STXBP4: variants seen among roughly 807,000 people sequenced by gnomAD.
The protein encoded by STXBP4 is syntaxin binding protein 4, also known as syntaxin-binding protein 4.
A neutral mutation model predicts 76.1 loss-of-function variants in STXBP4; 55 were observed. The observed-to-expected ratio is 0.72, with a 90% CI of 0.58 to 0.91. STXBP4 has a LOEUF of 0.91. Ranked by LOEUF, STXBP4 falls within the 40% of genes least tolerant of loss-of-function variation. STXBP4 has a pLI of 0.00. For synonymous variants in STXBP4, 201 were observed against 220.2 expected, an observed-to-expected ratio of 0.91 and a Z score of 0.77; for missense variants, 618 against 636.9, an observed-to-expected ratio of 0.97 and a Z score of 0.32.
chr17:55,055,780 C>T lies in STXBP4; in HGVS notation c.1011+8626C>T, dbSNP rs551030006. Among the ~76,000 whole-genome samples the T allele has an allele frequency of 2.3e-4, 35 of 152,302 alleles. 1 individual carries two copies. In the South Asian group the frequency reaches 6.8e-3, roughly 30 times the overall value. On this transcript the variant is annotated intron_variant, in intron 12 of 17. Coordinates refer to ENST00000376352, the MANE Select transcript of STXBP4 (RefSeq NM_178509.6). ...CTCCAGCTCATCTGGTCTCTTTGCACCATCTTTCCTCTGACCCTTACTGTG... is the reference window on the plus strand; with the variant it reads ...CTCCAGCTCATCTGGTCTCTTTGCATCATCTTTCCTCTGACCCTTACTGTG...
chr17:54,979,257 G>A (rs1035289909), intron 1 of STXBP4, among the ~76,000 whole-genome samples: 5 of 152,014 alleles, frequency 3.3e-5, no homozygotes, highest in Admixed American at 2.6e-4. Context: ...TTTATTAAAT[G>A]TGCTGAATTT....
At chr17:55,185,189 TTTCTTCTTCTTCTTCTTCTTCTTCTTC>T in the STXBP4 span, among the ~76,000 whole-genome samples, 33 of 87,730 alleles carry the variant, frequency 3.8e-4, no homozygotes, top group Middle Eastern at 5.6e-3. Context: ...TCTTCTTCTT[TTTCTTCTTCTTCTTCTTCTTCTTCTTC>T]TTCTTCTTCT....
At chr17:55,189,930 G>GA in the STXBP4 span, among the ~76,000 whole-genome samples, 3 of 152,164 alleles carry the variant, frequency 2.0e-5, no homozygotes, top group African/African-American at 7.2e-5. Flanking sequence ...GAAGAGTAGA[G>GA]AAAATAACAC....
intron 15 of STXBP4, 66 bp downstream of exon 15, chr17:55,078,801 G>T: frequency 1.1e-6 from 1 of 897,634 alleles, no homozygotes; most frequent in South Asian, 1.4e-5. Context: ...TGGTCATTGT[G>T]ACTCAAATAC....
Position 54,999,437 on chromosome 17 carries a change from C to T in STXBP4, c.273C>T (p.Thr91=). 2 of 1,611,940 alleles carry T rather than the reference C, an allele frequency of 1.2e-6. No individual in the cohort carries two copies. The highest frequency in any genetic ancestry group is 8.5e-7 in the Non-Finnish European group (1 of 1,179,104). The part of the protein sequence containing the change: ...VSFEEAKSII[T]GAKLRLESAW... ...TTGAAGAAGCAAAAAGCATAATTAC[C>T]GGAGCCAAGTTGAGGTAACTATACT... is the stretch of plus-strand genomic sequence containing the variant. The change falls in exon 5 of 18, where the codon ACC becomes ACT. Residue 91 remains threonine, a synonymous_variant. Transcript: ENST00000376352.
chr17:55,212,020 A>C, the STXBP4 span, among the ~76,000 whole-genome samples: 1 of 149,954 alleles, frequency 6.7e-6, no homozygotes, highest in Non-Finnish European at 1.5e-5. Context: ...GGGATTCATC[A>C]TGTCTGTCAG....
chr17:55,190,215 C>T, the STXBP4 span, among the ~76,000 whole-genome samples: 30 of 152,134 alleles, frequency 2.0e-4, no homozygotes, highest in South Asian at 4.2e-3. Context: ...TGTCCTGAAC[C>T]CAAGGATACA....
chr17:55,074,993 T>C (rs966949334), intron 13 of STXBP4, among the ~76,000 whole-genome samples: 2 of 152,110 alleles, frequency 1.3e-5, no homozygotes, highest in African/African-American at 4.8e-5. Flanking sequence ...AGATTCTTTT[T>C]GTAACAGTAC....
rs1394572458 is a variant in STXBP4, at chr17:55,170,377, CAG to C, written c.*10468_*10469del. On this transcript the variant is annotated 3_prime_UTR_variant, in exon 18 of 18. Coordinates refer to ENST00000376352, the MANE Select transcript of STXBP4 (RefSeq NM_178509.6). Reference sequence around the variant, plus strand: ...AACATCAAGTGGTAATAACAGGAAACAGATCTGTATACAATATAAAACCAACA... The same window carrying C: ...AACATCAAGTGGTAATAACAGGAAACATCTGTATACAATATAAAACCAACA... The C allele has an allele frequency of 3.9e-5, 6 of 151,900 alleles. No individual in the cohort carries two copies. The highest frequency in any genetic ancestry group is 7.4e-5 in the Non-Finnish European group (5 of 67,938). 9.4% of individuals were successfully genotyped at this position (151,900 alleles called of 1,614,324 possible).
At chr17:55,021,383 T>C (rs1170182445) in intron 8 of STXBP4, among the ~76,000 whole-genome samples, 1 of 151,944 alleles carries the variant, frequency 6.6e-6, no homozygotes, top group Non-Finnish European at 1.5e-5. Flanking sequence ...AATTAGCCAG[T>C]TGTGGTGGTG....
chr17:55,149,101 C>A (rs1195550452), intron 17 of STXBP4, among the ~76,000 whole-genome samples: 1 of 152,142 alleles, frequency 6.6e-6, no homozygotes, highest in African/African-American at 2.4e-5. Flanking sequence ...CAACAGAGGA[C>A]TTAAAAGATG....
rs189798204 is a variant in STXBP4, at chr17:55,136,302, C to T, written c.1490-5008C>T. Among the ~76,000 whole-genome samples the T allele has an allele frequency of 5.0e-3, 761 of 152,110 alleles. 7 individuals carry two copies. Among genetic ancestry groups the T allele is most frequent in the African/African-American group, 0.016 (674 of 41,520 alleles). On this transcript the variant is annotated intron_variant, in intron 16 of 17. Coordinates refer to ENST00000376352, the MANE Select transcript of STXBP4 (RefSeq NM_178509.6). ...TTGATTTTTGGAACTTTCTGTATAA[C>T]GGGACCAGGGAGCTAAGAGATGGAT...
chr17:55,052,474 C>T (rs1488114449), intron 12 of STXBP4, among the ~76,000 whole-genome samples: 1 of 152,028 alleles, frequency 6.6e-6, no homozygotes, highest in Non-Finnish European at 1.5e-5. Context: ...TGAATACTGA[C>T]TGGTAATTGC....
Position 55,169,990 on chromosome 17 carries a change from A to G in STXBP4, c.*10079A>G, listed in dbSNP as rs2080397408. On this transcript the variant is annotated 3_prime_UTR_variant, in exon 18 of 18. Coordinates refer to ENST00000376352, the MANE Select transcript of STXBP4 (RefSeq NM_178509.6). ...CCTTAGAATTATTGATTAATTATTT[A>G]AGATACAATAAAACCAAAGTATTTT... The G allele has an allele frequency of 6.6e-6, 1 of 152,244 alleles. No individual in the cohort carries two copies. The highest frequency in any genetic ancestry group is 2.4e-5 in the African/African-American group (1 of 41,468). 9.4% of individuals were successfully genotyped at this position (152,244 alleles called of 1,614,324 possible).
chr17:55,003,685 T>G (rs1288542239), intron 7 of STXBP4, among the ~76,000 whole-genome samples: 1 of 152,168 alleles, frequency 6.6e-6, no homozygotes, highest in Non-Finnish European at 1.5e-5. Flanking sequence ...TATCTAAAAA[T>G]CATCCCAAAG....
chr17:55,141,486 A>G, intron 17 of STXBP4, 119 bp downstream of exon 17: 2 of 724,088 alleles, frequency 2.8e-6, no homozygotes, highest in Middle Eastern at 5.2e-4. Context: ...AATTAGTAAC[A>G]AGAAATGAAG....
chr17:55,159,526 T>C (rs1470136982), intron 17 of STXBP4, among the ~76,000 whole-genome samples: 1 of 152,236 alleles, frequency 6.6e-6, no homozygotes, highest in African/African-American at 2.4e-5. Context: ...TTGGACTTGC[T>C]GACTTACTGA....
At chr17:55,189,745 G>A in the STXBP4 span, among the ~76,000 whole-genome samples, 1 of 152,328 alleles carries the variant, frequency 6.6e-6, no homozygotes, top group African/African-American at 2.4e-5. Context: ...CTGAAAAACA[G>A]ATGCTAGACG....
chr17:55,203,373 G>A, the STXBP4 span, among the ~76,000 whole-genome samples: 1 of 152,096 alleles, frequency 6.6e-6, no homozygotes, highest in South Asian at 2.1e-4. Flanking sequence ...TCCTCATGGA[G>A]AGTAAGCAAG....
Sources: allele counts gnomAD v4.1 joint callset (sites outside exome capture counted in the v4.1 genomes callset), GRCh38; gene constraint gnomAD v4.1.1; transcripts MANE v1.5; gene names NCBI Gene and HGNC (gene_info 2026-07-23, HGNC 2026-07-21).